Variants in CHD9 observed in about 807,000 individuals in gnomAD.
CHD9 encodes chromodomain helicase DNA binding protein 9.
CHD9 carries 77 observed loss-of-function variants against 316.1 expected under a neutral mutation model. The ratio of observed to expected loss-of-function variants is 0.24; its 90% CI spans 0.20 to 0.29. The LOEUF (loss-of-function observed/expected upper bound fraction) is 0.29. Among genes scored for constraint, CHD9 ranks in the 10% least tolerant of loss-of-function variants. CHD9 has a pLI of 1.00. For missense variants in CHD9, 2,763 were observed against 3,438.1 expected (o/e 0.80, Z 4.91); for synonymous variants, 1,129 against 1,158.3 (o/e 0.97, Z 0.51).
intron 2 of CHD9, among the ~76,000 whole-genome samples, chr16:53,163,881 C>G (rs905032083): frequency 5.3e-5 from 8 of 152,138 alleles, no homozygotes; most frequent in Non-Finnish European, 1.0e-4. Flanking sequence ...GTTCTGAATA[C>G]TTAACATATG....
At chr16:53,240,449 T>C (rs926024787) in intron 12 of CHD9, among the ~76,000 whole-genome samples, 1 of 152,110 alleles carries the variant, frequency 6.6e-6, no homozygotes, top group African/African-American at 2.4e-5. Context: ...ATATTAAATA[T>C]TGTATTTTTA....
chr16:53,190,906 C>G (rs909038241), intron 2 of CHD9, among the ~76,000 whole-genome samples: 1 of 152,044 alleles, frequency 6.6e-6, no homozygotes, highest in Non-Finnish European at 1.5e-5. Flanking sequence ...AATCCTGTTA[C>G]ATATGTCCAC....
chr16:53,243,163 G>T, intron 13 of CHD9, 147 bp downstream of exon 13: 5 of 534,760 alleles, frequency 9.3e-6, no homozygotes, highest in South Asian at 3.8e-5. Context: ...TTTTTTGGGG[G>T]GCCTTAATTT....
In CHD9 at chr16:53,157,386, G is replaced by A; in HGVS notation, c.1297G>A (p.Asp433Asn). 1 of 1,613,956 alleles carries A rather than the reference G, an allele frequency of 6.2e-7. No homozygotes were observed. The highest frequency in any genetic ancestry group is 8.5e-7 in the Non-Finnish European group (1 of 1,179,846). Residue 433 changes from aspartate to asparagine, a missense_variant, in exon 2 of 39, where the codon GAT (aspartate) becomes AAT (asparagine). This residue lies in a region of CHD9 where 859 missense variants were observed against 890.4 expected (regional missense o/e 0.96). Coordinates refer to ENST00000447540, the MANE Select transcript of CHD9 (RefSeq NM_001308319.2). ...ACAAGATAATTCAAGTCACATTTTA[G>A]ATCATGACCTTGATCGGCAGTTTAC... ...FGQDNSSHIL[D>N]HDLDRQFTSH...
At chr16:53,321,899 T>G (rs149696878) in intron 38 of CHD9, among the ~76,000 whole-genome samples, 130 of 152,140 alleles carry the variant, frequency 8.5e-4, no homozygotes, top group African/African-American at 2.8e-3. Context: ...TGAGCAAATA[T>G]GTAAGGATAT....
In CHD9 at chr16:53,185,508, G is replaced by A. The variant is rs183727301; in HGVS notation, c.1453-23974G>A. 1.2e-4 allele frequency among the ~76,000 whole-genome samples: 19 copies of A among 152,148 alleles called. No homozygotes were observed. In the East Asian group the frequency reaches 2.7e-3, roughly 22 times the overall value. On this transcript the variant is annotated intron_variant, in intron 2 of 38. Coordinates refer to ENST00000447540, the MANE Select transcript of CHD9 (RefSeq NM_001308319.2). The stretch of plus-strand genomic sequence containing the variant: ...TGGAAAGTTTGCAGCCTGATGATGT[G>A]ATGAAAAAAAAGTAACCCATTTTCT...
chr16:53,273,917 A>G (rs2052539758), intron 23 of CHD9, 132 bp downstream of exon 23: 2 of 825,116 alleles, frequency 2.4e-6, no homozygotes, highest in South Asian at 3.8e-5. Flanking sequence ...TAATTTTACA[A>G]GGTATCCTAC....
intron 25 of CHD9, 24 bp downstream of exon 25, chr16:53,285,723 A>T: frequency 7.4e-7 from 1 of 1,351,106 alleles, no homozygotes; most frequent in Non-Finnish European, 1.1e-6. Flanking sequence ...AAGGTAGGTG[A>T]GATCCCCTTC....
chr16:53,268,199 T>C, intron 22 of CHD9, 73 bp downstream of exon 22: 2 of 1,013,138 alleles, frequency 2.0e-6, no homozygotes, highest in Non-Finnish European at 2.8e-6. Flanking sequence ...TATTCTCCTA[T>C]AAAATATAAA....
chr16:53,281,148 T>C (rs982317700), intron 24 of CHD9, among the ~76,000 whole-genome samples: 12 of 152,142 alleles, frequency 7.9e-5, no homozygotes, highest in Non-Finnish European at 1.3e-4. Flanking sequence ...AATCTGAAAT[T>C]TACATATTTC....
At chr16:53,262,500 A>T (rs995033258) in intron 19 of CHD9, among the ~76,000 whole-genome samples, 1 of 152,176 alleles carries the variant, frequency 6.6e-6, no homozygotes, top group Non-Finnish European at 1.5e-5. Context: ...AAGAGTTTTT[A>T]AAATGACAAT....
intron 1 of CHD9, among the ~76,000 whole-genome samples, chr16:53,068,832 C>G (rs2033753998): frequency 6.6e-6 from 1 of 152,196 alleles, no homozygotes; most frequent in Non-Finnish European, 1.5e-5. Flanking sequence ...TGAATGCTAA[C>G]TGGGCCTAAC....
intron 38 of CHD9, among the ~76,000 whole-genome samples, chr16:53,323,703 A>T (rs1376855258): frequency 6.6e-6 from 1 of 152,190 alleles, no homozygotes; most frequent in African/African-American, 2.4e-5. Context: ...TGTAAGGGTT[A>T]TGGAAGTACC....
intron 1 of CHD9, among the ~76,000 whole-genome samples, chr16:53,099,849 G>C (rs951259443): frequency 2.6e-5 from 4 of 152,270 alleles, no homozygotes; most frequent in Non-Finnish European, 5.9e-5. Flanking sequence ...CCAGACTGCA[G>C]ACCAGGCGCC....
chr16:53,147,107 A>G lies in CHD9; in HGVS notation c.-164-8819A>G, dbSNP rs192425434. ...AATTTTATGGGGAGTGTAGGCTTTA[A>G]GATAATATGTAAACTATAGAATGTT... On this transcript the variant is annotated intron_variant, in intron 1 of 38. Transcript: ENST00000447540. 3.0e-3 allele frequency among the ~76,000 whole-genome samples: 458 copies of G among 152,218 alleles called. 5 individuals carry two copies. The highest frequency in any genetic ancestry group is 0.011 in the African/African-American group (439 of 41,510).
intron 1 of CHD9, among the ~76,000 whole-genome samples, chr16:53,134,551 TCCTTGTAGC>T (rs1450065185): frequency 6.6e-6 from 1 of 152,218 alleles, no homozygotes; most frequent in Non-Finnish European, 1.5e-5. Context: ...TCGTATCTTG[TCCTTGTAGC>T]CCTTAGGGAT....
At chr16:53,250,286 A>G (rs2050017070) in intron 17 of CHD9, 2 of 491,508 alleles carry the variant, frequency 4.1e-6, no homozygotes, top group Non-Finnish European at 3.6e-6. Context: ...ACTAACTTAT[A>G]TGTCTTACTA....
At chr16:53,089,398 A>G (rs879321461) in intron 1 of CHD9, among the ~76,000 whole-genome samples, 7 of 152,262 alleles carry the variant, frequency 4.6e-5, no homozygotes, top group Non-Finnish European at 1.0e-4. Flanking sequence ...TGAAGATCAT[A>G]AAACAATAAT....
At chr16:53,292,528 G>T (rs1339160918) in intron 28 of CHD9, among the ~76,000 whole-genome samples, 1 of 152,078 alleles carries the variant, frequency 6.6e-6, no homozygotes, top group Non-Finnish European at 1.5e-5. Context: ...ATTCAGTTTG[G>T]CTTTTAGTTT....
Sources: gnomAD v4.1 joint callset for allele counts (sites outside exome capture counted in the v4.1 genomes callset) on GRCh38, gnomAD v4.1.1 for gene constraint, gnomAD v4.1.1 regional missense constraint, MANE v1.5 for transcripts, NCBI Gene and HGNC (gene_info 2026-07-23, HGNC 2026-07-21) for gene names.